Variants in PHF20 observed in about 807,000 individuals in gnomAD.
The protein encoded by PHF20 is glioma-expressed antigen 2.
Under a neutral mutation model 113.5 loss-of-function variants are expected in PHF20, and 23 were observed. The ratio of observed to expected loss-of-function variants is 0.20; its 90% confidence interval spans 0.15 to 0.29. The LOEUF is 0.29. PHF20 is among the 10% of genes least tolerant of loss of function. The probability of loss-of-function intolerance (pLI) is 1.00; values close to 1 mark genes in which losing one functional copy is unlikely to be tolerated. For missense variants in PHF20, 943 were observed against 1,219.6 expected, an observed-to-expected ratio of 0.77 and a Z score of 3.38; for synonymous variants, 434 against 457.3, an observed-to-expected ratio of 0.95 and a Z score of 0.65.
chr20:35,779,282 GCCAGGGCCT>G (rs2041237288), intron 1 of PHF20, among the ~76,000 whole-genome samples: 1 of 151,892 alleles, frequency 6.6e-6, no homozygotes, highest in East Asian at 1.9e-4. Flanking sequence ...TGATCCGCCT[GCCAGGGCCT>G]CCCAAAGTGC....
intron 2 of PHF20, among the ~76,000 whole-genome samples, chr20:35,808,905 G>A (rs1340115224): frequency 6.6e-6 from 1 of 151,432 alleles, no homozygotes; most frequent in Non-Finnish European, 1.5e-5. Flanking sequence ...TGTCTTTATG[G>A]AAAAGAGGAA....
intron 2 of PHF20, among the ~76,000 whole-genome samples, chr20:35,809,919 A>AGTTT (rs746921811): frequency 6.6e-6 from 1 of 152,030 alleles, no homozygotes; most frequent in East Asian, 1.9e-4. Context: ...AACCAAGGAC[A>AGTTT]GTTTGTTTGT....
At chr20:35,813,081 G>T (rs1036047537) in intron 2 of PHF20, among the ~76,000 whole-genome samples, 1 of 152,122 alleles carries the variant, frequency 6.6e-6, no homozygotes, top group Non-Finnish European at 1.5e-5. Context: ...CCATTCTCCT[G>T]CCTCGGCCTC....
At chr20:35,806,162 ATTTTTTT>A (rs1299032685) in intron 2 of PHF20, among the ~76,000 whole-genome samples, 2 of 123,706 alleles carry the variant, frequency 1.6e-5, no homozygotes, top group South Asian at 2.5e-4. Context: ...CATGCCTGGC[ATTTTTTT>A]TTTTTTTTTT....
chr20:35,883,027 C>CAA (rs971975145), intron 9 of PHF20, among the ~76,000 whole-genome samples: 9 of 63,460 alleles, frequency 1.4e-4, no homozygotes, highest in Non-Finnish European at 2.3e-4. Flanking sequence ...CACTCTGTCT[C>CAA]AAAAAAAAAA....
chr20:35,887,235 C>G (rs1011871727), intron 9 of PHF20, among the ~76,000 whole-genome samples: 5 of 151,996 alleles, frequency 3.3e-5, no homozygotes, highest in South Asian at 2.1e-4. Context: ...CTGCTGATCC[C>G]CCTCTATATT....
At chr20:35,775,551 C>T (rs1224887673) in intron 1 of PHF20, among the ~76,000 whole-genome samples, 1 of 151,884 alleles carries the variant, frequency 6.6e-6, no homozygotes, top group African/African-American at 2.4e-5. Flanking sequence ...GTCAGGAGTT[C>T]GAGACCAGTC....
intron 17 of PHF20, among the ~76,000 whole-genome samples, chr20:35,946,054 C>G (rs2056077916): frequency 6.6e-6 from 1 of 152,144 alleles, no homozygotes; most frequent in African/African-American, 2.4e-5. Flanking sequence ...GCCTGTAATA[C>G]CATCTCCTCA....
chr20:35,813,005 G>A (rs2042003898), intron 2 of PHF20, among the ~76,000 whole-genome samples: 1 of 152,124 alleles, frequency 6.6e-6, no homozygotes, highest in Admixed American at 6.6e-5. Context: ...GTCTCCCTCT[G>A]TCGCCCAGGC....
chr20:35,799,196 A>G lies in PHF20; in HGVS notation c.-32-2295A>G, dbSNP rs527924274. ...GCTGGATGCAGTGGCTCGTGCTTGT[A>G]ATCCTGTAATCCCAGCACTTTGGGA... is the stretch of plus-strand genomic sequence containing the variant. On this transcript the variant is annotated intron_variant, in intron 1 of 17. Coordinates refer to ENST00000374012, the MANE Select transcript of PHF20 (RefSeq NM_016436.5). Among the ~76,000 whole-genome samples, 377 of 150,616 alleles carry G rather than the reference A, an allele frequency of 2.5e-3. 3 individuals are homozygous for G. Among genetic ancestry groups the G allele is most frequent in the Middle Eastern group, 0.017 (5 of 288 alleles).
At chr20:35,937,081 G>A (rs1264784433) in intron 15 of PHF20, among the ~76,000 whole-genome samples, 1 of 152,142 alleles carries the variant, frequency 6.6e-6, no homozygotes, top group Non-Finnish European at 1.5e-5. Flanking sequence ...TGAGGGGTGG[G>A]TGGGCTTCCA....
chr20:35,946,882 G>T (rs1401607762), intron 17 of PHF20, among the ~76,000 whole-genome samples: 3 of 151,896 alleles, frequency 2.0e-5, no homozygotes, highest in Non-Finnish European at 4.4e-5. Flanking sequence ...GCTAATTTTT[G>T]TATTTTTAGT....
intron 6 of PHF20, among the ~76,000 whole-genome samples, chr20:35,866,371 C>T (rs527930867): frequency 6.6e-6 from 1 of 152,214 alleles, no homozygotes; most frequent in East Asian, 1.9e-4. Context: ...GATGGATTGA[C>T]CTTAGTGCAT....
chr20:35,904,348 G>C (rs1325072368), intron 10 of PHF20, among the ~76,000 whole-genome samples: 7 of 139,528 alleles, frequency 5.0e-5, no homozygotes, highest in Admixed American at 2.3e-4. Context: ...GCAGTGGCGT[G>C]ATCTTGGCTC....
At chr20:35,872,154 G>T in intron 9 of PHF20, among the ~76,000 whole-genome samples, 1 of 149,094 alleles carries the variant, frequency 6.7e-6, no homozygotes, top group Non-Finnish European at 1.5e-5. Flanking sequence ...TTACCTAATT[G>T]ATTTTAGATC....
Position 35,847,325 on chromosome 20 carries a change from T to C in PHF20, c.256-25T>C. 2.1e-5 allele frequency: 7 copies of C among 334,046 alleles called. No individual in the cohort carries two copies. In the South Asian group the frequency reaches 2.7e-4, roughly 13 times the overall value. 20.7% of individuals were successfully genotyped at this position (334,046 alleles called of 1,614,324 possible). On this transcript the variant is annotated intron_variant, in intron 3 of 17. Transcript: ENST00000374012. ...GTGAAATTAGGTTGGTAACAGGATC[T>C]TTTTTTTTTTTTTATGTTTTTTAGG...
chr20:35,889,793 ATC>A (rs1452916684), intron 9 of PHF20, among the ~76,000 whole-genome samples: 1 of 151,820 alleles, frequency 6.6e-6, no homozygotes, highest in East Asian at 1.9e-4. Context: ...CAGTGGTGCA[ATC>A]TCGTCTCACT....
intron 10 of PHF20, among the ~76,000 whole-genome samples, chr20:35,902,926 C>G (rs1460876819): frequency 1.3e-5 from 2 of 151,964 alleles, no homozygotes; most frequent in Non-Finnish European, 2.9e-5. Flanking sequence ...GTTCTGAACT[C>G]AGCCAACCAC....
chr20:35,835,112 TA>T (rs1395429487), intron 2 of PHF20, among the ~76,000 whole-genome samples: 1 of 151,900 alleles, frequency 6.6e-6, no homozygotes, highest in Admixed American at 6.6e-5. Context: ...CCGTCTCTAT[TA>T]AAAATATAAA....
Sources: gnomAD v4.1 joint callset for allele counts (sites outside exome capture counted in the v4.1 genomes callset) on GRCh38, gnomAD v4.1.1 for gene constraint, MANE v1.5 for transcripts, NCBI Gene and HGNC (gene_info 2026-07-23, HGNC 2026-07-21) for gene names.